PSTPIP1: variants seen among roughly 807,000 people sequenced by gnomAD.
PSTPIP1 encodes the protein proline-serine-threonine phosphatase interacting protein 1.
A neutral mutation model predicts 69.6 loss-of-function variants in PSTPIP1; 66 were observed. That is an observed-to-expected ratio of 0.95 (90% CI 0.78 to 1.16). The LOEUF (loss-of-function observed/expected upper bound fraction) is 1.16. Ranked by LOEUF, PSTPIP1 falls within the 50% of genes most tolerant of loss-of-function variation. The pLI is 0.00. For missense variants in PSTPIP1, 603 were observed against 557.4 expected (o/e 1.08, Z -0.82); for synonymous variants, 266 against 222.7 (o/e 1.19, Z -1.73).
chr15:76,998,493 T>C (rs1010100669), intron 1 of PSTPIP1, among the ~76,000 whole-genome samples: 1 of 152,232 alleles, frequency 6.6e-6, no homozygotes, highest in Non-Finnish European at 1.5e-5. Context: ...TCCTATGAAC[T>C]CTAATTTCAC....
intron 12 of PSTPIP1, among the ~76,000 whole-genome samples, chr15:77,034,928 G>C (rs548153404): frequency 6.6e-6 from 1 of 152,238 alleles, no homozygotes; most frequent in Non-Finnish European, 1.5e-5. Context: ...GTAGCCCAGC[G>C]CTGTCCCGGA....
chr15:77,035,719 C>G lies in PSTPIP1; in HGVS notation c.986-83C>G, dbSNP rs2076547249. 4.6e-6 allele frequency: 7 copies of G among 1,510,122 alleles called. No individual in the cohort carries two copies. The South Asian group carries it at 8.6e-5, about 19-fold the overall frequency. The allele number at this position is 1,510,122 out of a possible 1,614,324, so 93.5% of individuals were successfully genotyped here. On this transcript the variant is annotated intron_variant, in intron 13 of 14. Coordinates refer to ENST00000558012, the MANE Select transcript of PSTPIP1 (RefSeq NM_003978.5). Reference sequence around the variant, plus strand: ...AGCAGAAGGAAGAGGCAGGGCCCAGCATGGAGAAACCCCATTCTAGTAGGA... The same window carrying G: ...AGCAGAAGGAAGAGGCAGGGCCCAGGATGGAGAAACCCCATTCTAGTAGGA...
chr15:77,031,541 G>A (rs1156350172), intron 10 of PSTPIP1: 6 of 364,062 alleles, frequency 1.6e-5, no homozygotes, highest in Non-Finnish European at 3.1e-5. Flanking sequence ...CAGAGCCACA[G>A]AGCACCTGCC....
At chr15:77,033,609 A>G (rs554526347) in intron 12 of PSTPIP1, among the ~76,000 whole-genome samples, 2 of 152,054 alleles carry the variant, frequency 1.3e-5, no homozygotes, top group African/African-American at 2.4e-5. Context: ...TGGGTTTCAC[A>G]TGGTGCCTGT....
In PSTPIP1 at chr15:77,032,330, C is replaced by G. The variant is rs2076438231; in HGVS notation, c.774C>G (p.Gly258=). Residue 258 remains glycine, a synonymous_variant, in exon 11 of 15, where the codon GGC becomes GGG. Transcript: ENST00000558012. ...AGGAAGTGCGGCTGACGCTGGAAGG[C>G]TGCAGCATAGACGCCGACATCGACA... ...LYEEVRLTLE[G]CSIDADIDSF... is the part of the protein sequence containing the mutation. 1 of 1,612,494 alleles carries G rather than the reference C, an allele frequency of 6.2e-7. No individual in the cohort carries two copies. Among genetic ancestry groups the G allele is most frequent in the African/African-American group, 1.3e-5 (1 of 74,934 alleles).
intron 1 of PSTPIP1, among the ~76,000 whole-genome samples, chr15:77,002,426 A>G (rs2075729300): frequency 6.6e-6 from 1 of 152,260 alleles, no homozygotes; most frequent in African/African-American, 2.4e-5. Flanking sequence ...AATACAGAGT[A>G]CCTTTGTCAT....
chr15:77,015,597 T>C (rs1281810859), intron 1 of PSTPIP1, among the ~76,000 whole-genome samples: 7 of 152,124 alleles, frequency 4.6e-5, no homozygotes, highest in Admixed American at 4.6e-4. Flanking sequence ...TGCTGGGTCT[T>C]GGGTGGCAGA....
At position 77,027,984 on chromosome 15, in the gene PSTPIP1, G is replaced by A. The variant is rs1342058426; in HGVS notation, c.417+70G>A. The A allele has an allele frequency of 1.5e-6, 2 of 1,374,758 alleles. No homozygotes were observed. The highest frequency in any genetic ancestry group is 1.4e-5 in the African/African-American group (1 of 69,332). The allele number at this position is 1,374,758 out of a possible 1,614,324, so 85.2% of individuals were successfully genotyped here. ...CGCAGGTCTCAGGGTGCGATCCTGG[G>A]CTGTGGCCCCGGGCAGGGCATTTGG... On this transcript the variant is annotated intron_variant, in intron 6 of 14. Transcript: ENST00000558012. This position sits in a 1 kb window ranked among gnomAD's most constrained non-coding sequence, Gnocchi z 4.3.
intron 12 of PSTPIP1, 40 bp downstream of exon 12, chr15:77,032,992 C>T: frequency 6.4e-7 from 1 of 1,556,948 alleles, no homozygotes; most frequent in African/African-American, 1.4e-5. Flanking sequence ...TAAGGCTGGG[C>T]CAGGAAGTGG....
chr15:77,000,224 G>A (rs989210002), intron 1 of PSTPIP1, among the ~76,000 whole-genome samples: 1 of 152,164 alleles, frequency 6.6e-6, no homozygotes, highest in Non-Finnish European at 1.5e-5. Context: ...GGGACCAGCT[G>A]GGCTGGTCTG....
chr15:76,999,257 T>C (rs869884), intron 1 of PSTPIP1, among the ~76,000 whole-genome samples: 60,390 of 151,760 alleles, frequency 0.4, 13,530 homozygotes, highest in Middle Eastern at 0.56. Context: ...TCTCCCTTCC[T>C]GAACCCATTT....
At chr15:77,032,455 G>T in intron 11 of PSTPIP1, 61 bp downstream of exon 11, 1 of 1,560,576 alleles carries the variant, frequency 6.4e-7, no homozygotes, top group Non-Finnish European at 8.8e-7. Flanking sequence ...GGAAGGCCCG[G>T]CCCTGAGCCT....
At position 77,032,979 on chromosome 15, in the gene PSTPIP1, G is replaced by A. The variant is rs916273615; in HGVS notation, c.929+27G>A. On this transcript the variant is annotated intron_variant, in intron 12 of 14. Transcript: ENST00000558012. ...TGAGGCCCCGACAGACGGAGGGAGGGCCTAAGGCTGGGCCAGGAAGTGGGT... is the reference window on the plus strand; with the variant it reads ...TGAGGCCCCGACAGACGGAGGGAGGACCTAAGGCTGGGCCAGGAAGTGGGT... 7 of 1,572,654 alleles carry A rather than the reference G, an allele frequency of 4.5e-6. No homozygotes were observed. The African/African-American group carries it at 5.4e-5, about 12-fold the overall frequency.
At chr15:77,007,841 G>C (rs1395935581) in intron 1 of PSTPIP1, 1 of 452,222 alleles carries the variant, frequency 2.2e-6, no homozygotes, top group Non-Finnish European at 4.4e-6. Flanking sequence ...TGATCTGCCC[G>C]TCTAGGCCTC....
rs577746056 is a variant in PSTPIP1, at chr15:77,027,513, G to C, written c.355-339G>C. 8.0e-4 allele frequency among the ~76,000 whole-genome samples: 122 copies of C among 152,360 alleles called. No individual in the cohort carries two copies. Among genetic ancestry groups the C allele is most frequent in the East Asian group, 1.9e-3 (10 of 5,184 alleles). On this transcript the variant is annotated intron_variant, in intron 5 of 14. Coordinates refer to ENST00000558012, the MANE Select transcript of PSTPIP1 (RefSeq NM_003978.5). The surrounding 1 kb of genome is among the most constrained non-coding windows in gnomAD (Gnocchi z 4.3). ...TGTGTGTGCCAGAGTGTACACACAC[G>C]TGTGAGCGACTGTGATGCCTGCAGA...
At chr15:77,017,536 G>T (rs556220122) in intron 1 of PSTPIP1, among the ~76,000 whole-genome samples, 2 of 152,158 alleles carry the variant, frequency 1.3e-5, no homozygotes, top group East Asian at 1.9e-4. Flanking sequence ...CGTGAGGGGG[G>T]GTTTCCTGAG....
intron 1 of PSTPIP1, chr15:77,015,768 G>A: frequency 5.4e-6 from 2 of 371,446 alleles, no homozygotes; most frequent in Admixed American, 3.1e-5. Context: ...GGGAAGGGGT[G>A]CAGGGCTGGG....
At chr15:77,024,708 A>G (rs1239497503) in intron 3 of PSTPIP1, among the ~76,000 whole-genome samples, 1 of 149,488 alleles carries the variant, frequency 6.7e-6, no homozygotes, top group Non-Finnish European at 1.5e-5. Flanking sequence ...CCTGCCTCCT[A>G]TGCGCAGTGC....
intron 10 of PSTPIP1, 168 bp downstream of exon 10, chr15:77,031,446 CAGGA>C (rs2076414691): frequency 1.6e-6 from 1 of 617,540 alleles, no homozygotes; most frequent in East Asian, 3.0e-5. Flanking sequence ...AACCCCAAGA[CAGGA>C]GCTCAGTACC....
Sources: gnomAD v4.1 joint callset for allele counts (sites outside exome capture counted in the v4.1 genomes callset) on GRCh38, gnomAD v4.1.1 for gene constraint, Gnocchi (gnomAD v3.1) non-coding constraint, MANE v1.5 for transcripts, NCBI Gene and HGNC (gene_info 2026-07-23, HGNC 2026-07-21) for gene names.